The following LY75 variants were observed in gnomAD, a reference collection of about 807,000 sequenced individuals.
LY75 encodes the protein C-type lectin domain family 13 member B.
Under a neutral mutation model 231.7 loss-of-function variants are expected in LY75, and 185 were observed. The ratio of observed to expected loss-of-function variants is 0.80; its 90% confidence interval spans 0.71 to 0.90. The LOEUF (loss-of-function observed/expected upper bound fraction) is 0.90, where lower values mean the gene tolerates loss of function less well. Ranked by LOEUF, LY75 falls within the 40% of genes least tolerant of loss-of-function variation. LY75 has a pLI of 0.00. For missense variants in LY75, 1,947 were observed against 2,050.2 expected (o/e 0.95, Z 0.97); for synonymous variants, 668 against 689.0 (o/e 0.97, Z 0.48).
chr2:159,838,803 T>G (rs573703281), intron 25 of LY75, among the ~76,000 whole-genome samples: 2 of 148,562 alleles, frequency 1.3e-5, no homozygotes, highest in East Asian at 3.9e-4. Flanking sequence ...ATTAATTAAT[T>G]TTTTTATTTA....
chr2:159,874,850 T>TATATATATTTTGTAA (rs1560094285), intron 12 of LY75, among the ~76,000 whole-genome samples: 1 of 37,300 alleles, frequency 2.7e-5, no homozygotes, highest in Non-Finnish European at 5.0e-5. Context: ...TATATGTAAA[T>TATATATATTTTGTAA]ATATATATAT....
Position 159,878,306 on chromosome 2 carries a change from A to G in LY75, c.1774+18T>C, listed in dbSNP as rs756543099. On this transcript the variant is annotated intron_variant, in intron 11 of 34. Transcript: ENST00000263636. ...ACTAGTCACAGTATACTACTACTTC[A>G]AAGATTAAGACACTCACCTGGCTCA... 1 of 1,611,448 alleles carries G rather than the reference A, an allele frequency of 6.2e-7. No individual in the cohort carries two copies. Among genetic ancestry groups the G allele is most frequent in the Admixed American group, 1.7e-5 (1 of 59,568 alleles).
chr2:159,852,357 C>T lies in LY75; in HGVS notation c.2744-17G>A, dbSNP rs1684425419. ...TACCTAAGTCTGAGAAATGAAAAGC[C>T]AGGATTACTATGGTGAGAATTTTTC... On this transcript the variant is annotated splice_polypyrimidine_tract_variant and intron_variant, in intron 20 of 34. Coordinates refer to ENST00000263636, the MANE Select transcript of LY75 (RefSeq NM_002349.4). 1 of 1,609,256 alleles carries T rather than the reference C, an allele frequency of 6.2e-7. No individual in the cohort carries two copies. The highest frequency in any genetic ancestry group is 2.2e-5 in the East Asian group (1 of 44,762).
At chr2:159,856,457 T>C (rs997810638) in intron 16 of LY75, among the ~76,000 whole-genome samples, 8 of 152,158 alleles carry the variant, frequency 5.3e-5, no homozygotes, top group African/African-American at 1.9e-4. Flanking sequence ...AGAGGAAAAC[T>C]TCTTTAAGAA....
chr2:159,865,649 A>G (rs1183675937), intron 13 of LY75, among the ~76,000 whole-genome samples: 2 of 152,194 alleles, frequency 1.3e-5, no homozygotes, highest in Non-Finnish European at 2.9e-5. Context: ...GTGACACAAA[A>G]GTTCAGAGAA....
Position 159,879,249 on chromosome 2 carries a change from T to C in LY75, c.1515+10A>G, listed in dbSNP as rs1265895374. Reference sequence around the variant, plus strand: ...CTGCTTGAGAAAATTTACATAGGGATTTTACCTACCTCATCTGGAGGACAC... The same window carrying C: ...CTGCTTGAGAAAATTTACATAGGGACTTTACCTACCTCATCTGGAGGACAC... On this transcript the variant is annotated intron_variant, in intron 9 of 34. Coordinates refer to ENST00000263636, the MANE Select transcript of LY75 (RefSeq NM_002349.4). 1 of 1,607,118 alleles carries C rather than the reference T, an allele frequency of 6.2e-7. No individual in the cohort carries two copies. Among genetic ancestry groups the C allele is most frequent in the Non-Finnish European group, 8.5e-7 (1 of 1,178,518 alleles).
chr2:159,830,736 C>T (rs1683628011), intron 28 of LY75, among the ~76,000 whole-genome samples: 1 of 152,122 alleles, frequency 6.6e-6, no homozygotes, highest in Non-Finnish European at 1.5e-5. Flanking sequence ...CACACGTCAC[C>T]ATGCCTGGCT....
At chr2:159,852,796 A>G (rs1456757477) in intron 20 of LY75, among the ~76,000 whole-genome samples, 2 of 152,186 alleles carry the variant, frequency 1.3e-5, no homozygotes, top group African/African-American at 4.8e-5. Flanking sequence ...CTTAAAATAT[A>G]TTCCCTTTCT....
chr2:159,807,270 A>C, intron 33 of LY75, 130 bp from the exon 34 acceptor site: 1 of 1,101,644 alleles, frequency 9.1e-7, no homozygotes, highest in Non-Finnish European at 1.2e-6. Context: ...AAATGCATTA[A>C]AAATGAAAAA....
intron 33 of LY75, 63 bp from the exon 34 acceptor site, chr2:159,807,203 G>A: frequency 6.6e-7 from 1 of 1,525,222 alleles, no homozygotes; most frequent in Non-Finnish European, 8.9e-7. Flanking sequence ...TACAAGCATG[G>A]GTTCATGTAA....
chr2:159,882,041 T>A, intron 7 of LY75, 83 bp downstream of exon 7: 1 of 1,483,468 alleles, frequency 6.7e-7, no homozygotes, highest in Non-Finnish European at 9.1e-7. Context: ...AACTGTAAGC[T>A]TTTCATTCCC....
At chr2:159,809,129 G>T (rs1043603198) in intron 32 of LY75, among the ~76,000 whole-genome samples, 4 of 152,140 alleles carry the variant, frequency 2.6e-5, no homozygotes, top group African/African-American at 9.7e-5. Flanking sequence ...GTAACTACAA[G>T]ATTTTTCAAT....
chr2:159,827,005 C>A (rs984909860), intron 28 of LY75, among the ~76,000 whole-genome samples: 1 of 152,112 alleles, frequency 6.6e-6, no homozygotes, highest in Non-Finnish European at 1.5e-5. Context: ...CCATAAAAAT[C>A]CTAGAAGGAA....
At chr2:159,886,173 C>T (rs1685576251) in intron 5 of LY75, among the ~76,000 whole-genome samples, 1 of 152,094 alleles carries the variant, frequency 6.6e-6, no homozygotes, top group Admixed American at 6.6e-5. Flanking sequence ...TCATTTTGCT[C>T]TTACATAAAA....
Position 159,899,009 on chromosome 2 carries a change from G to T in LY75, c.145C>A (p.Pro49Thr). 6.2e-7 allele frequency: 1 copy of T among 1,614,122 alleles called. No homozygotes were observed. The highest frequency in any genetic ancestry group is 8.5e-7 in the Non-Finnish European group (1 of 1,179,974). The change falls in exon 2 of 35, where the codon CCA becomes ACA. Residue 49 changes from proline (P) to threonine (T), a missense_variant. By Grantham distance (38) the Pro-to-Thr change is conservative. Coordinates refer to ENST00000263636, the MANE Select transcript of LY75 (RefSeq NM_002349.4). ...TCTGCTACTATCCAGCCATACACTG[G>T]CTTGATGCACTTGCCCGTATTTCCA... ...VHGNTGKCIK[P>T]VYGWIVADDC... is the part of the protein sequence containing the mutation.
chr2:159,823,164 A>G lies in LY75; in HGVS notation c.3959-3244T>C, dbSNP rs187170747. On this transcript the variant is annotated intron_variant, in intron 28 of 34. Transcript: ENST00000263636. ...ACAAACTGCTCCGAGCTAAAGGAGC[A>G]TGTTCTAACCCAATGCAAGGAAGCT... Among the ~76,000 whole-genome samples the G allele has an allele frequency of 2.2e-4, 34 of 152,334 alleles. No homozygotes were observed. The East Asian group carries it at 5.6e-3, about 25-fold the overall frequency.
chr2:159,889,640 CT>C (rs35861011), intron 4 of LY75, among the ~76,000 whole-genome samples: 29,571 of 152,014 alleles, frequency 0.19, 3,439 homozygotes, highest in South Asian at 0.5. Context: ...GATAAATGGT[CT>C]TTTAAAGTTT....
chr2:159,819,644 T>G (rs1045342432), intron 29 of LY75, 82 bp downstream of exon 29: 3 of 1,460,192 alleles, frequency 2.1e-6, no homozygotes, highest in Non-Finnish European at 1.8e-6. Flanking sequence ...AGCATTTGAT[T>G]GTATGATTCC....
rs1464231338 is a variant in LY75 at position 159,875,658 on chromosome 2, G to A, written c.1775-15C>T. 11 of 1,611,582 alleles carry A rather than the reference G, an allele frequency of 6.8e-6. No homozygotes were observed. In the South Asian group the frequency reaches 1.1e-4, roughly 16 times the overall value. The stretch of plus-strand genomic sequence containing the variant: ...GCCCGGGGAAGCTGGGATTGAAGTG[G>A]AAAGCTCAATTAAAAATTAAAACGT... On this transcript the variant is annotated splice_polypyrimidine_tract_variant and intron_variant, in intron 11 of 34. Coordinates refer to ENST00000263636, the MANE Select transcript of LY75 (RefSeq NM_002349.4).
Sources: gnomAD v4.1 joint callset for allele counts (sites outside exome capture counted in the v4.1 genomes callset) on GRCh38, gnomAD v4.1.1 for gene constraint, MANE v1.5 for transcripts, NCBI Gene and HGNC (gene_info 2026-07-23, HGNC 2026-07-21) for gene names.